Variants in ADGRB3 observed in about 807,000 individuals in gnomAD.
ADGRB3 encodes brain-specific angiogenesis inhibitor 3.
Under a neutral mutation model 193.4 loss-of-function variants are expected in ADGRB3, and 37 were observed. The observed-to-expected ratio is 0.19, with a 90% CI of 0.15 to 0.25. The LOEUF is 0.25. ADGRB3 is among the 10% of genes least tolerant of loss of function. The pLI is 1.00. For synonymous variants in ADGRB3, 690 were observed against 644.2 expected (o/e 1.07, Z -1.08); for missense variants, 1,637 against 1,852.9 (o/e 0.88, Z 2.14).
At chr6:69,227,631 A>G (rs1168169191) in intron 17 of ADGRB3, among the ~76,000 whole-genome samples, 1 of 152,192 alleles carries the variant, frequency 6.6e-6, no homozygotes, top group Non-Finnish European at 1.5e-5. Flanking sequence ...GTCATCTGTC[A>G]GCTTCTCTAA....
intron 3 of ADGRB3, among the ~76,000 whole-genome samples, chr6:68,726,255 G>C (rs370797650): frequency 2.0e-5 from 3 of 151,536 alleles, no homozygotes; most frequent in Non-Finnish European, 4.4e-5. Flanking sequence ...TTATACCAGG[G>C]ATATAAAAAG....
rs535309060 is a variant in ADGRB3, at chr6:68,656,889, T to C, written c.757+17457T>C. On this transcript the variant is annotated intron_variant, in intron 3 of 31. Coordinates refer to ENST00000370598, the MANE Select transcript of ADGRB3 (RefSeq NM_001704.3). ...TGCAAAATAGAAATCATATCTATTC[T>C]TTCTTAATATAGTCTGTACCAAAAG... is the stretch of plus-strand genomic sequence containing the variant. 1.3e-4 allele frequency among the ~76,000 whole-genome samples: 20 copies of C among 151,662 alleles called. 1 individual carries two copies. The East Asian group carries it at 3.5e-3, about 27-fold the overall frequency.
chr6:69,281,648 A>G (rs1767439153), intron 20 of ADGRB3, among the ~76,000 whole-genome samples: 1 of 152,196 alleles, frequency 6.6e-6, no homozygotes, highest in Non-Finnish European at 1.5e-5. Flanking sequence ...GGTACTGGCA[A>G]AACTGCTCTG....
intron 17 of ADGRB3, among the ~76,000 whole-genome samples, chr6:69,169,880 T>G (rs1300855955): frequency 6.6e-6 from 1 of 152,140 alleles, no homozygotes; most frequent in Non-Finnish European, 1.5e-5. Context: ...ATAGCCTCTA[T>G]TTAGTCTTAA....
intron 4 of ADGRB3, among the ~76,000 whole-genome samples, chr6:68,932,331 A>C (rs528772828): frequency 6.6e-6 from 1 of 152,274 alleles, no homozygotes; most frequent in South Asian, 2.1e-4. Context: ...TTTAGCCAAA[A>C]GTTTTTGTAC....
At chr6:68,685,048 T>G (rs991027506) in intron 3 of ADGRB3, among the ~76,000 whole-genome samples, 2 of 152,192 alleles carry the variant, frequency 1.3e-5, no homozygotes, top group African/African-American at 4.8e-5. Flanking sequence ...TCAACATATT[T>G]AAACATTGAA....
intron 17 of ADGRB3, among the ~76,000 whole-genome samples, chr6:69,124,504 C>T (rs1273575032): frequency 6.6e-6 from 1 of 152,152 alleles, no homozygotes; most frequent in African/African-American, 2.4e-5. Flanking sequence ...GTCTAGAAAA[C>T]AAGGATAACA....
At chr6:69,206,422 C>T (rs144036838) in intron 17 of ADGRB3, among the ~76,000 whole-genome samples, 85 of 152,178 alleles carry the variant, frequency 5.6e-4, no homozygotes, top group Middle Eastern at 3.4e-3. Context: ...ACTTTGTATT[C>T]TTCAATTCAG....
At chr6:68,790,551 C>T (rs2127366302) in intron 3 of ADGRB3, among the ~76,000 whole-genome samples, 1 of 152,296 alleles carries the variant, frequency 6.6e-6, no homozygotes, top group East Asian at 1.9e-4. Flanking sequence ...TAGGGGCAGA[C>T]TGACACCTCA....
At chr6:69,132,113 A>G (rs1421758502) in intron 17 of ADGRB3, among the ~76,000 whole-genome samples, 6 of 152,168 alleles carry the variant, frequency 3.9e-5, no homozygotes, top group Admixed American at 3.3e-4. Flanking sequence ...TTATAGTAGA[A>G]TGGTTTATAA....
intron 20 of ADGRB3, among the ~76,000 whole-genome samples, chr6:69,252,915 T>A (rs1336191742): frequency 6.6e-6 from 1 of 152,130 alleles, no homozygotes; most frequent in East Asian, 1.9e-4. Context: ...AAGTTTTCCC[T>A]TGTCATCTTA....
intron 3 of ADGRB3, among the ~76,000 whole-genome samples, chr6:68,719,464 C>T (rs1765538499): frequency 6.6e-6 from 1 of 151,724 alleles, no homozygotes; most frequent in Admixed American, 6.6e-5. Flanking sequence ...TCAAAACGAA[C>T]AGCATACAAT....
chr6:68,906,560 A>G (rs998269371), intron 3 of ADGRB3, among the ~76,000 whole-genome samples: 1 of 152,008 alleles, frequency 6.6e-6, no homozygotes, highest in Non-Finnish European at 1.5e-5. Context: ...AAAAATGGTC[A>G]AATTGTTAAA....
chr6:69,339,573 C>A (rs1768932587), intron 26 of ADGRB3, 69 bp downstream of exon 26: 2 of 1,483,700 alleles, frequency 1.3e-6, no homozygotes. Context: ...AAAGAATGAT[C>A]TTTTAATATC....
intron 3 of ADGRB3, among the ~76,000 whole-genome samples, chr6:68,801,000 A>G (rs1047370523): frequency 6.6e-5 from 10 of 152,262 alleles, no homozygotes; most frequent in Admixed American, 5.9e-4. Flanking sequence ...TTATTCTAAG[A>G]CATAAAAGAA....
At chr6:68,985,269 A>T (rs1292814584) in intron 10 of ADGRB3, among the ~76,000 whole-genome samples, 1 of 152,186 alleles carries the variant, frequency 6.6e-6, no homozygotes, top group African/African-American at 2.4e-5. Context: ...AGACTGCCCC[A>T]GACTTACGTT....
chr6:68,855,479 A>G (rs1042879256), intron 3 of ADGRB3, among the ~76,000 whole-genome samples: 8 of 151,950 alleles, frequency 5.3e-5, no homozygotes, highest in African/African-American at 1.7e-4. Flanking sequence ...ATGAATTTCT[A>G]GGTAAAATAT....
intron 20 of ADGRB3, among the ~76,000 whole-genome samples, chr6:69,260,918 C>G (rs1183227177): frequency 6.6e-6 from 1 of 152,096 alleles, no homozygotes; most frequent in African/African-American, 2.4e-5. Context: ...TATCTCTCTG[C>G]AAATGGACCA....
chr6:69,086,579 C>G (rs757474036), intron 17 of ADGRB3, among the ~76,000 whole-genome samples: 1 of 152,132 alleles, frequency 6.6e-6, no homozygotes, highest in Non-Finnish European at 1.5e-5. Context: ...TTTGAGAATA[C>G]AGCCAAAGGT....
Sources: allele counts gnomAD v4.1 joint callset (sites outside exome capture counted in the v4.1 genomes callset), GRCh38; gene constraint gnomAD v4.1.1; transcripts MANE v1.5; gene names NCBI Gene and HGNC (gene_info 2026-07-23, HGNC 2026-07-21).